The following ROBO2 variants were observed in gnomAD, a reference collection of about 807,000 sequenced individuals.
ROBO2 encodes roundabout homolog 2.
In ROBO2, 53 loss-of-function variants were observed where a neutral mutation model predicts 160.8. The ratio of observed to expected loss-of-function variants is 0.33; its 90% CI spans 0.26 to 0.41. The LOEUF is 0.41. ROBO2 is among the 10% of genes least tolerant of loss of function. ROBO2 has a pLI of 1.00. For synonymous variants in ROBO2, 664 were observed against 611.7 expected (o/e 1.09, Z -1.26); for missense variants, 1,577 against 1,722.4 (o/e 0.92, Z 1.49).
chr3:76,672,192 G>A (rs555543217), intron 2 of ROBO2, among the ~76,000 whole-genome samples: 35 of 151,980 alleles, frequency 2.3e-4, no homozygotes, highest in Non-Finnish European at 4.4e-4. Flanking sequence ...TTCTTTGTGG[G>A]CTAAGATAAT....
chr3:77,477,327 G>C, intron 2 of ROBO2, 87 bp from the exon 3 acceptor site: 1 of 1,368,896 alleles, frequency 7.3e-7, no homozygotes, highest in Non-Finnish European at 1.0e-6. Flanking sequence ...CTAGAACAAG[G>C]TAAACAAGAC....
Position 76,606,051 on chromosome 3 carries a change from C to G in ROBO2, c.110-491963C>G, listed in dbSNP as rs1437290787. On this transcript the variant is annotated intron_variant, in intron 2 of 26. Transcript: ENST00000487694. ...ACCACTAGGATGTATTGTATACATG[C>G]TCTATAAATTTTGTGCCTTATGGTA... is the stretch of plus-strand genomic sequence containing the variant. Among the ~76,000 whole-genome samples the G allele has an allele frequency of 3.9e-5, 6 of 152,004 alleles. No homozygotes were observed. The East Asian group carries it at 1.2e-3, about 29-fold the overall frequency.
At chr3:76,726,553 C>G (rs988333836) in intron 2 of ROBO2, among the ~76,000 whole-genome samples, 1 of 151,900 alleles carries the variant, frequency 6.6e-6, no homozygotes, top group Admixed American at 6.6e-5. Context: ...TTTTTCATGT[C>G]GAGTGAGTCC....
chr3:77,353,375 T>C lies in ROBO2; in HGVS notation c.389-124039T>C, dbSNP rs146451253. 7.9e-5 allele frequency among the ~76,000 whole-genome samples: 12 copies of C among 152,330 alleles called. No individual in the cohort carries two copies. In the East Asian group the frequency reaches 1.9e-3, roughly 24 times the overall value. ...GCATAGTTGGAATTTCTTGACATGATTGAGGACCAAGGAGAGCTTTGGTCA... is the reference window on the plus strand; with the variant it reads ...GCATAGTTGGAATTTCTTGACATGACTGAGGACCAAGGAGAGCTTTGGTCA... On this transcript the variant is annotated intron_variant, in intron 2 of 25. Transcript: ENST00000461745.
chr3:77,627,290 T>C (rs9845122), intron 23 of ROBO2, among the ~76,000 whole-genome samples: 5,525 of 152,252 alleles, frequency 0.036, 173 homozygotes, highest in African/African-American at 0.084. Flanking sequence ...TTCTTTCTTT[T>C]TTTTTCTGAG....
At chr3:76,105,656 T>G (rs1576880620) in intron 2 of ROBO2, among the ~76,000 whole-genome samples, 1 of 152,058 alleles carries the variant, frequency 6.6e-6, no homozygotes. Context: ...AACAATATAC[T>G]TATGAGTTCT....
chr3:76,803,383 C>T (rs1560590277), intron 2 of ROBO2, among the ~76,000 whole-genome samples: 1 of 133,744 alleles, frequency 7.5e-6, no homozygotes, highest in Non-Finnish European at 1.5e-5. Flanking sequence ...GAGGAGGATA[C>T]AGAAAAGGAG....
chr3:76,812,200 C>T (rs1183835014), intron 2 of ROBO2, among the ~76,000 whole-genome samples: 1 of 151,640 alleles, frequency 6.6e-6, no homozygotes, highest in Non-Finnish European at 1.5e-5. Flanking sequence ...GAGCTGGATA[C>T]AATTCCAGGT....
intron 2 of ROBO2, among the ~76,000 whole-genome samples, chr3:76,401,936 A>T (rs1281561114): frequency 6.6e-6 from 1 of 151,526 alleles, no homozygotes; most frequent in Non-Finnish European, 1.5e-5. Context: ...GTTTATATAA[A>T]TTCTCAGAAG....
intron 2 of ROBO2, among the ~76,000 whole-genome samples, chr3:76,836,377 G>T (rs2067688968): frequency 6.7e-6 from 1 of 150,150 alleles, no homozygotes; most frequent in South Asian, 2.1e-4. Flanking sequence ...TTATTTCTGA[G>T]TGAACTATTA....
chr3:76,497,236 C>G (rs2080199739), intron 2 of ROBO2, among the ~76,000 whole-genome samples: 1 of 152,160 alleles, frequency 6.6e-6, no homozygotes, highest in Admixed American at 6.5e-5. Flanking sequence ...GTCTCTCTCT[C>G]CCTCGCTGAA....
chr3:76,446,022 G>A (rs1235691368), intron 2 of ROBO2, among the ~76,000 whole-genome samples: 4 of 152,078 alleles, frequency 2.6e-5, no homozygotes, highest in Admixed American at 6.6e-5. Context: ...TCAACATAGT[G>A]TTGGAAGTTC....
chr3:77,343,847 T>C (rs2067331575), intron 2 of ROBO2, among the ~76,000 whole-genome samples: 1 of 152,102 alleles, frequency 6.6e-6, no homozygotes, highest in African/African-American at 2.4e-5. Context: ...ATGAGAGAGC[T>C]TTACTGCAGT....
chr3:77,267,111 A>G (rs374217721), intron 2 of ROBO2, among the ~76,000 whole-genome samples: 2 of 152,270 alleles, frequency 1.3e-5, no homozygotes, highest in African/African-American at 4.8e-5. Context: ...TTGAAACATA[A>G]AAGTTCAGGG....
intron 2 of ROBO2, among the ~76,000 whole-genome samples, chr3:77,465,285 T>A (rs1308266907): frequency 6.6e-6 from 1 of 152,168 alleles, no homozygotes; most frequent in African/African-American, 2.4e-5. Flanking sequence ...TAAATCTTAT[T>A]TATCAAGTTT....
chr3:77,001,423 T>G (rs1392522898), intron 2 of ROBO2, among the ~76,000 whole-genome samples: 1 of 152,168 alleles, frequency 6.6e-6, no homozygotes, highest in Non-Finnish European at 1.5e-5. Context: ...AAAATAGTTG[T>G]GAGTATCACA....
Position 77,350,109 on chromosome 3 carries a change from A to AAT in ROBO2, c.389-127293_389-127292dup, listed in dbSNP as rs568571820. Among the ~76,000 whole-genome samples the AAT allele has an allele frequency of 3.3e-4, 50 of 150,110 alleles. 1 individual carries two copies. The South Asian group carries it at 7.2e-3, about 21-fold the overall frequency. On this transcript the variant is annotated intron_variant, in intron 2 of 25. Coordinates refer to ENST00000461745, the Ensembl canonical transcript of ROBO2. ...TACACACACACATTCATATATATAT[A>AAT]ATATATATATATACATATGCCGTGT...
chr3:76,507,651 T>C (rs2080863063), intron 2 of ROBO2, among the ~76,000 whole-genome samples: 1 of 152,104 alleles, frequency 6.6e-6, no homozygotes, highest in Admixed American at 6.6e-5. Context: ...TATTAACTGA[T>C]ATAATCCTCA....
intron 2 of ROBO2, among the ~76,000 whole-genome samples, chr3:76,868,221 T>A (rs2775160): frequency 0.1 from 15,747 of 152,236 alleles, 896 homozygotes; most frequent in South Asian, 0.12. Flanking sequence ...TCTGATTTTT[T>A]ATTTTCTTCC....
Sources: gnomAD v4.1 joint callset for allele counts (sites outside exome capture counted in the v4.1 genomes callset) on GRCh38, gnomAD v4.1.1 for gene constraint, MANE v1.5 for transcripts, NCBI Gene and HGNC (gene_info 2026-07-23, HGNC 2026-07-21) for gene names.